The following SH2D4B variants were observed in gnomAD, a reference collection of about 807,000 sequenced individuals.
The protein encoded by SH2D4B is SH2 domain-containing protein 4B.
Under a neutral mutation model 61.5 loss-of-function variants are expected in SH2D4B, and 45 were observed. That is an observed-to-expected ratio of 0.73 (90% CI 0.58 to 0.94). The LOEUF (loss-of-function observed/expected upper bound fraction) is 0.94, where lower values mean the gene tolerates loss of function less well. Among genes scored for constraint, SH2D4B ranks in the 40% least tolerant of loss-of-function variants. SH2D4B has a pLI of 0.00. For missense variants in SH2D4B, 572 were observed against 574.2 expected (o/e 1.00, Z 0.04); for synonymous variants, 224 against 220.4 (o/e 1.02, Z -0.14).
chr10:80,554,219 C>A (rs941386520), intron 1 of SH2D4B, among the ~76,000 whole-genome samples: 1 of 152,196 alleles, frequency 6.6e-6, no homozygotes, highest in Non-Finnish European at 1.5e-5. Flanking sequence ...CGCTTCCTCG[C>A]AGGATTCTCT....
Position 80,539,503 on chromosome 10 carries a change from C to A in SH2D4B, c.184+988C>A, listed in dbSNP as rs1035130425. Among the ~76,000 whole-genome samples the A allele has an allele frequency of 1.5e-4, 23 of 152,232 alleles. No individual in the cohort carries two copies. The highest frequency in any genetic ancestry group is 5.3e-4 in the African/African-American group (22 of 41,462). On this transcript the variant is annotated intron_variant, in intron 1 of 7. Transcript: ENST00000646907. This position sits in a 1 kb window ranked among gnomAD's most constrained non-coding sequence, Gnocchi z 4.9. ...ATCATCTGGACATGCTTGCTCTTGT[C>A]TCTGGTCTTCACATGAGTGGCTCTC...
chr10:80,591,260 A>G (rs764363063), intron 4 of SH2D4B, among the ~76,000 whole-genome samples: 5 of 152,064 alleles, frequency 3.3e-5, no homozygotes, highest in East Asian at 1.9e-4. Context: ...AGTATTACCT[A>G]TATGCCTAGG....
At chr10:80,591,115 A>G (rs945415444) in intron 4 of SH2D4B, among the ~76,000 whole-genome samples, 4 of 145,594 alleles carry the variant, frequency 2.7e-5, no homozygotes, top group Non-Finnish European at 5.9e-5. Context: ...ATGTACGCAT[A>G]TACCACATTG....
At chr10:80,545,339 C>T (rs773118162) in intron 1 of SH2D4B, among the ~76,000 whole-genome samples, 40 of 151,936 alleles carry the variant, frequency 2.6e-4, no homozygotes, top group African/African-American at 6.0e-4. Flanking sequence ...TTCTCCTTCT[C>T]TCTCTTCCTC....
At chr10:80,540,698 A>C (rs1252281556) in intron 1 of SH2D4B, 4 of 803,714 alleles carry the variant, frequency 5.0e-6, no homozygotes, top group Non-Finnish European at 7.7e-6. Flanking sequence ...CAATTCATTC[A>C]CTTATCCAGC....
At chr10:80,572,571 C>T (rs1451471740) in intron 3 of SH2D4B, among the ~76,000 whole-genome samples, 1 of 152,100 alleles carries the variant, frequency 6.6e-6, no homozygotes. Context: ...ACTAATTAGA[C>T]AGTGAGGACA....
chr10:80,642,197 T>G (rs1285100500), intron 7 of SH2D4B, among the ~76,000 whole-genome samples: 1 of 152,184 alleles, frequency 6.6e-6, no homozygotes, highest in Non-Finnish European at 1.5e-5. Flanking sequence ...GCTCAAGTGA[T>G]CCTCCCACCT....
rs1301207896 is a variant in SH2D4B, at chr10:80,538,165, G to A, written c.-167G>A. 1.5e-5 allele frequency: 7 copies of A among 478,220 alleles called. No homozygotes were observed. Among genetic ancestry groups the A allele is most frequent in the South Asian group, 1.1e-4 (1 of 9,498 alleles). The allele number at this position is 478,220 out of a possible 1,614,324, so 29.6% of individuals were successfully genotyped here. ...TGTCCTGGGTAGAGGAGATGAGTTC[G>A]TCGCTGGCTGCAAGCTGAGGCCAAC... On this transcript the variant is annotated 5_prime_UTR_variant, in exon 1 of 8. Coordinates refer to ENST00000646907, the MANE Select transcript of SH2D4B (RefSeq NM_001388272.1). The surrounding 1 kb of genome is among the most constrained non-coding windows in gnomAD (Gnocchi z 4.8).
At chr10:80,637,703 TCTAAATATACAGTCATGTCATCTGCAAA>T (rs1311893071) in intron 7 of SH2D4B, among the ~76,000 whole-genome samples, 1 of 152,246 alleles carries the variant, frequency 6.6e-6, no homozygotes, top group Non-Finnish European at 1.5e-5. Flanking sequence ...GATGGGGTTT[TCTAAATATACAGTCATGTCATCTGCAAA>T]CAGGAACAAT....
intron 6 of SH2D4B, among the ~76,000 whole-genome samples, chr10:80,610,235 C>T (rs1369473994): frequency 6.6e-6 from 1 of 152,186 alleles, no homozygotes; most frequent in African/African-American, 2.4e-5. Context: ...TCCTTACCTA[C>T]AGCAGCCTTC....
At chr10:80,635,407 T>A (rs1374539316) in intron 7 of SH2D4B, among the ~76,000 whole-genome samples, 1 of 152,182 alleles carries the variant, frequency 6.6e-6, no homozygotes, top group Non-Finnish European at 1.5e-5. Context: ...TGGGTGTAGA[T>A]GGTTTCACAG....
intron 1 of SH2D4B, among the ~76,000 whole-genome samples, chr10:80,544,795 G>A (rs73307114): frequency 1.3e-3 from 199 of 152,304 alleles, no homozygotes; most frequent in African/African-American, 4.5e-3. Context: ...GTTAGCTCAC[G>A]TATCCCCCTG....
chr10:80,584,086 T>C (rs1842215512), intron 3 of SH2D4B, among the ~76,000 whole-genome samples: 1 of 152,228 alleles, frequency 6.6e-6, no homozygotes, highest in Admixed American at 6.5e-5. Context: ...AATTCTGTGC[T>C]CAGCTAAATT....
chr10:80,600,891 A>T (rs574107796), intron 4 of SH2D4B, among the ~76,000 whole-genome samples: 18 of 152,254 alleles, frequency 1.2e-4, no homozygotes, highest in African/African-American at 4.3e-4. Flanking sequence ...CTTGTAGGGC[A>T]CGAGCTTCTA....
chr10:80,606,100 C>T (rs1036117716), intron 5 of SH2D4B, among the ~76,000 whole-genome samples: 6 of 152,100 alleles, frequency 3.9e-5, no homozygotes, highest in African/African-American at 1.2e-4. Flanking sequence ...CCCCATGGGA[C>T]GGGTGCCCAT....
intron 6 of SH2D4B, among the ~76,000 whole-genome samples, chr10:80,614,793 G>A (rs571965417): frequency 4.2e-4 from 64 of 152,238 alleles, no homozygotes; most frequent in Non-Finnish European, 7.9e-4. Context: ...AAGGTTGGCC[G>A]GGGCCTGGGG....
At chr10:80,587,673 C>T (rs1429914295) in intron 3 of SH2D4B, among the ~76,000 whole-genome samples, 5 of 152,056 alleles carry the variant, frequency 3.3e-5, no homozygotes, top group African/African-American at 4.8e-5. Context: ...GTAAGGGTTA[C>T]GATTGAACCC....
intron 6 of SH2D4B, among the ~76,000 whole-genome samples, chr10:80,620,325 C>G (rs913308189): frequency 3.9e-5 from 6 of 152,138 alleles, no homozygotes; most frequent in Admixed American, 1.3e-4. Flanking sequence ...TCCTGCCCAC[C>G]TGTGAAGATG....
chr10:80,604,360 A>G (rs1842491193), intron 5 of SH2D4B, among the ~76,000 whole-genome samples: 1 of 152,164 alleles, frequency 6.6e-6, no homozygotes, highest in Admixed American at 6.5e-5. Context: ...TGCCAGGACC[A>G]AAGGTTAGGA....
Sources: gnomAD v4.1 joint callset for allele counts (sites outside exome capture counted in the v4.1 genomes callset) on GRCh38, gnomAD v4.1.1 for gene constraint, Gnocchi (gnomAD v3.1) non-coding constraint, MANE v1.5 for transcripts, NCBI Gene and HGNC (gene_info 2026-07-23, HGNC 2026-07-21) for gene names.